Variants in PLXNC1 observed in about 807,000 individuals in gnomAD.
PLXNC1 encodes plexin C1, also known as plexin-C1.
Under a neutral mutation model 178.2 loss-of-function variants are expected in PLXNC1, and 75 were observed. That is an observed-to-expected ratio of 0.42 (90% CI 0.35 to 0.51). The LOEUF (loss-of-function observed/expected upper bound fraction) is 0.51, where lower values mean the gene tolerates loss of function less well. PLXNC1 is among the 20% of genes least tolerant of loss of function. PLXNC1 has a pLI of 0.02. For synonymous variants in PLXNC1, 790 were observed against 779.9 expected (o/e 1.01, Z -0.22); for missense variants, 1,503 against 1,984.4 (o/e 0.76, Z 4.61).
At chr12:94,172,854 G>A (rs930533805) in intron 2 of PLXNC1, among the ~76,000 whole-genome samples, 6 of 152,210 alleles carry the variant, frequency 3.9e-5, no homozygotes, top group South Asian at 2.1e-4. Context: ...CTGATAATCT[G>A]TGAAGAAACT....
At chr12:94,239,862 C>T (rs1254854493) in intron 10 of PLXNC1, among the ~76,000 whole-genome samples, 3 of 152,194 alleles carry the variant, frequency 2.0e-5, no homozygotes, top group African/African-American at 7.2e-5. Context: ...AGCAGAATTT[C>T]CATCTCTGTC....
chr12:94,176,598 A>G (rs1425054648), intron 2 of PLXNC1, among the ~76,000 whole-genome samples: 1 of 152,172 alleles, frequency 6.6e-6, no homozygotes, highest in Admixed American at 6.5e-5. Context: ...TAAATGTTAT[A>G]TATTTATTTT....
intron 22 of PLXNC1, chr12:94,281,983 G>GTGAGCATATACAAATT (rs1966475418): frequency 3.3e-6 from 1 of 301,180 alleles, no homozygotes; most frequent in African/African-American, 2.2e-5. Context: ...GCACACAAGT[G>GTGAGCATATACAAATT]TGAGCATATA....
chr12:94,188,734 G>A (rs1336149966), intron 4 of PLXNC1, among the ~76,000 whole-genome samples: 2 of 152,264 alleles, frequency 1.3e-5, no homozygotes, highest in Admixed American at 1.3e-4. Context: ...GTTGTGGAGT[G>A]TTCAGTCTTT....
intron 17 of PLXNC1, among the ~76,000 whole-genome samples, chr12:94,257,298 G>T (rs922001599): frequency 5.9e-5 from 9 of 152,300 alleles, no homozygotes; most frequent in Admixed American, 2.0e-4. Context: ...GAGATTGTAG[G>T]TTCTCAAAGG....
At chr12:94,210,524 G>A (rs1963437422) in intron 5 of PLXNC1, among the ~76,000 whole-genome samples, 1 of 152,090 alleles carries the variant, frequency 6.6e-6, no homozygotes, top group Non-Finnish European at 1.5e-5. Context: ...ACTGTGTTCT[G>A]TTTGAATGCC....
intron 30 of PLXNC1, 163 bp downstream of exon 30, chr12:94,304,214 T>C: frequency 1.8e-6 from 1 of 555,406 alleles, no homozygotes; most frequent in Non-Finnish European, 3.2e-6. Flanking sequence ...CCAGACCCTG[T>C]ACATGGCTGC....
At chr12:94,257,908 C>CAAA (rs562649991) in intron 17 of PLXNC1, among the ~76,000 whole-genome samples, 28,582 of 141,398 alleles carry the variant, frequency 0.2, 3,008 homozygotes, top group Admixed American at 0.24. Context: ...GACTCTGTCT[C>CAAA]AAAAAAAATA....
At chr12:94,268,588 C>CTTTTTTTTTTTTTTTTTTTTT (rs61265662) in intron 21 of PLXNC1, among the ~76,000 whole-genome samples, 9 of 90,884 alleles carry the variant, frequency 9.9e-5, no homozygotes, top group Admixed American at 2.8e-4. Context: ...AGAATAAGAC[C>CTTTTTTTTTTTTTTTTTTTTT]TTTTTTTTTT....
chr12:94,196,802 A>G (rs1414577206), intron 4 of PLXNC1, among the ~76,000 whole-genome samples: 1 of 152,198 alleles, frequency 6.6e-6, no homozygotes, highest in Non-Finnish European at 1.5e-5. Flanking sequence ...GCCATGTTCC[A>G]TTTAGTCCTC....
intron 28 of PLXNC1, among the ~76,000 whole-genome samples, chr12:94,303,318 T>C (rs542503889): frequency 2.4e-4 from 36 of 152,274 alleles, no homozygotes; most frequent in Middle Eastern, 6.8e-3. Context: ...CATGGTTATA[T>C]AAAGGGCTCA....
rs568450392 is a variant in PLXNC1, at chr12:94,248,366, G to T, written c.2732G>T (p.Gly911Val). Residue 911 changes from glycine to valine, a missense_variant, in exon 14 of 31, where the codon GGC becomes GTC. By Grantham distance (109) the Gly-to-Val change is moderately radical. This residue lies in a region of PLXNC1 where 639 missense variants were observed against 979.7 expected (regional missense o/e 0.65). Transcript: ENST00000258526. Reference protein sequence around the residue: ...DLTTILCKIKGIKTASTIANS... With the variant: ...DLTTILCKIKVIKTASTIANS... ...ACCACCATCCTTTGCAAAATTAAAG[G>T]CATCAAGACTGCAAGCACCATTGCC... is the stretch of plus-strand genomic sequence containing the variant. The T allele has an allele frequency of 6.2e-7, 1 of 1,612,426 alleles. No individual in the cohort carries two copies. Among genetic ancestry groups the T allele is most frequent in the Non-Finnish European group, 8.5e-7 (1 of 1,179,572 alleles).
intron 5 of PLXNC1, among the ~76,000 whole-genome samples, chr12:94,215,452 C>T (rs1963616952): frequency 6.6e-6 from 1 of 151,096 alleles, no homozygotes; most frequent in Admixed American, 6.6e-5. Context: ...ATATAAAATT[C>T]ATCTGGAATA....
At chr12:94,169,854 G>A (rs1023212757) in intron 2 of PLXNC1, among the ~76,000 whole-genome samples, 2 of 152,150 alleles carry the variant, frequency 1.3e-5, no homozygotes, top group African/African-American at 4.8e-5. Flanking sequence ...TATCTCAGAG[G>A]ACTATTTCTT....
At chr12:94,208,792 G>T (rs960816219) in intron 4 of PLXNC1, among the ~76,000 whole-genome samples, 1 of 152,204 alleles carries the variant, frequency 6.6e-6, no homozygotes, top group African/African-American at 2.4e-5. Context: ...GCCCCGTCTG[G>T]TGAGGCAAGG....
chr12:94,290,081 G>A (rs538504550), intron 23 of PLXNC1, among the ~76,000 whole-genome samples: 2 of 152,200 alleles, frequency 1.3e-5, no homozygotes, highest in Admixed American at 1.3e-4. Flanking sequence ...AAGGGTGCTC[G>A]CTTTTGGCAA....
chr12:94,154,362 A>C (rs975021040), intron 1 of PLXNC1, among the ~76,000 whole-genome samples: 1 of 152,212 alleles, frequency 6.6e-6, no homozygotes, highest in Non-Finnish European at 1.5e-5. Flanking sequence ...AAGGAGCCCT[A>C]CCCTATTACT....
intron 23 of PLXNC1, among the ~76,000 whole-genome samples, chr12:94,293,177 T>C (rs964612738): frequency 6.6e-6 from 1 of 152,232 alleles, no homozygotes; most frequent in Non-Finnish European, 1.5e-5. Context: ...AGTTTGCTCA[T>C]TTTCATTGTT....
chr12:94,229,034 G>T lies in PLXNC1; in HGVS notation c.1980+1799G>T, dbSNP rs115207925. On this transcript the variant is annotated intron_variant, in intron 9 of 30. Transcript: ENST00000258526. ...GCATTCCCACCAACAGTGCACAAGG[G>T]TTCCAGTTTCACCCCATCCTCACCA... Among the ~76,000 whole-genome samples, 498 of 152,264 alleles carry T rather than the reference G, an allele frequency of 3.3e-3. 4 individuals carry two copies. The highest frequency in any genetic ancestry group is 0.011 in the African/African-American group (461 of 41,558).
Sources: allele counts gnomAD v4.1 joint callset (sites outside exome capture counted in the v4.1 genomes callset), GRCh38; gene constraint gnomAD v4.1.1; regional missense constraint gnomAD v4.1.1; transcripts MANE v1.5; gene names NCBI Gene and HGNC (gene_info 2026-07-23, HGNC 2026-07-21).